The following NFIB variants were observed in gnomAD, a reference collection of about 807,000 sequenced individuals.
The protein encoded by NFIB is nuclear factor I B, also known as nuclear factor 1 B-type.
A neutral mutation model predicts 61.5 loss-of-function variants in NFIB; 11 were observed. That is an observed-to-expected ratio of 0.18 (90% CI 0.11 to 0.30). The LOEUF (loss-of-function observed/expected upper bound fraction) is 0.30. Ranked by LOEUF, NFIB falls within the 10% of genes least tolerant of loss-of-function variation. The pLI, the probability that NFIB is intolerant of heterozygous loss-of-function variation, is 1.00. For synonymous variants in NFIB, 260 were observed against 216.5 expected (o/e 1.20, Z -1.76); for missense variants, 471 against 608.9 (o/e 0.77, Z 2.38).
intron 3 of NFIB, 61 bp from the exon 4 acceptor site, chr9:14,155,954 T>TA: frequency 9.8e-7 from 1 of 1,023,136 alleles, no homozygotes; most frequent in Non-Finnish European, 1.4e-6. Context: ...TAAATGATTA[T>TA]ACACTAGAAT....
At chr9:14,132,346 T>C (rs1018837412) in intron 6 of NFIB, among the ~76,000 whole-genome samples, 6 of 152,196 alleles carry the variant, frequency 3.9e-5, no homozygotes, top group African/African-American at 1.2e-4. Flanking sequence ...TAAACAAGTC[T>C]AAATGAACCC....
the NFIB span, among the ~76,000 whole-genome samples, chr9:14,408,321 G>A: frequency 6.6e-6 from 1 of 152,110 alleles, no homozygotes; most frequent in African/African-American, 2.4e-5. Flanking sequence ...TCTAAACCAT[G>A]AACCTATTTC....
intron 9 of NFIB, 145 bp downstream of exon 9, chr9:14,116,063 T>A: frequency 9.8e-7 from 1 of 1,017,986 alleles, no homozygotes; most frequent in African/African-American, 1.7e-5. Flanking sequence ...TAGCTCCACT[T>A]AAATGAGAAA....
At chr9:14,315,766 A>G (rs2060519073), upstream of NFIB, among the ~76,000 whole-genome samples, 1 of 151,038 alleles carries the variant, frequency 6.6e-6, no homozygotes, top group African/African-American at 2.4e-5. Context: ...CCGCCCCCCA[A>G]ATCCAGTTTT....
At chr9:14,461,121 C>T in the NFIB span, among the ~76,000 whole-genome samples, 4 of 152,140 alleles carry the variant, frequency 2.6e-5, no homozygotes, top group Non-Finnish European at 4.4e-5. Context: ...TAGCATCCCA[C>T]ACTGTTCTCT....
chr9:14,156,612 C>G (rs113340748), intron 3 of NFIB, among the ~76,000 whole-genome samples: 2 of 152,268 alleles, frequency 1.3e-5, no homozygotes, highest in African/African-American at 4.8e-5. Context: ...TTAAGTCACA[C>G]CGGGGCAGGG....
the NFIB span, among the ~76,000 whole-genome samples, chr9:14,485,269 T>C: frequency 6.6e-6 from 1 of 152,214 alleles, no homozygotes; most frequent in Admixed American, 6.5e-5. Context: ...TACAAATTTA[T>C]TCCATAGGTA....
intron 2 of NFIB, among the ~76,000 whole-genome samples, chr9:14,267,228 A>G (rs900275444): frequency 6.6e-6 from 1 of 152,178 alleles, no homozygotes; most frequent in African/African-American, 2.4e-5. Context: ...AAAAGCAAAG[A>G]TCTGCATATG....
At chr9:14,315,260 C>A (rs1473425681), upstream of NFIB, among the ~76,000 whole-genome samples, 1 of 151,572 alleles carries the variant, frequency 6.6e-6, no homozygotes, top group Non-Finnish European at 1.5e-5. Flanking sequence ...GCACCCGAGG[C>A]AGTCGCGGCG....
At chr9:14,372,214 T>C (rs1240107451) in intron 1 of NFIB, among the ~76,000 whole-genome samples, 1 of 152,198 alleles carries the variant, frequency 6.6e-6, no homozygotes, top group Non-Finnish European at 1.5e-5. Flanking sequence ...CGATTTTTCG[T>C]GCTCTGGCTT....
intron 3 of NFIB, among the ~76,000 whole-genome samples, chr9:14,167,069 T>TTG (rs59482775): frequency 3.9e-5 from 5 of 128,770 alleles, no homozygotes; most frequent in Non-Finnish European, 6.4e-5. Context: ...GGGCATATTG[T>TTG]TGTGTGTGTG....
chr9:14,520,499 T>C, the NFIB span, among the ~76,000 whole-genome samples: 1 of 152,222 alleles, frequency 6.6e-6, no homozygotes, highest in African/African-American at 2.4e-5. Flanking sequence ...AGTGGAATGT[T>C]CTGCAGCGGT....
At chr9:14,238,827 G>C (rs2054065979) in intron 2 of NFIB, among the ~76,000 whole-genome samples, 1 of 152,122 alleles carries the variant, frequency 6.6e-6, no homozygotes, top group Non-Finnish European at 1.5e-5. Flanking sequence ...ACCCAACCGA[G>C]ATATAAATCT....
Position 14,088,112 on chromosome 9 carries a change from G to T in NFIB, c.*197C>A. The T allele has an allele frequency of 8.3e-7, 1 of 1,207,498 alleles. No individual in the cohort carries two copies. Among genetic ancestry groups the T allele is most frequent in the Non-Finnish European group, 1.1e-6 (1 of 921,880 alleles). 74.8% of individuals were successfully genotyped at this position (1,207,498 alleles called of 1,614,324 possible). A position where few individuals can be genotyped will look rare whatever the true frequency, so the allele number is the denominator to read the frequency against. ...TTCAGTTTCTTTCCTTTCTGCCTTT[G>T]TGTTGTTTTGTCCAGTCTTCCTCTT... On this transcript the variant is annotated 3_prime_UTR_variant, in exon 11 of 11. Coordinates refer to ENST00000380953, the MANE Select transcript of NFIB (RefSeq NM_001190737.2).
chr9:14,254,490 C>T (rs890252063), intron 2 of NFIB, among the ~76,000 whole-genome samples: 2 of 152,076 alleles, frequency 1.3e-5, no homozygotes, highest in African/African-American at 4.8e-5. Flanking sequence ...CAGACATAAG[C>T]ACATAAGCAT....
intron 2 of NFIB, among the ~76,000 whole-genome samples, chr9:14,304,370 A>G (rs2059911789): frequency 6.6e-6 from 1 of 152,254 alleles, no homozygotes; most frequent in South Asian, 2.1e-4. Context: ...GTGATCTTGT[A>G]TAAATAACCA....
chr9:14,449,163 T>C, the NFIB span, among the ~76,000 whole-genome samples: 1 of 152,238 alleles, frequency 6.6e-6, no homozygotes, highest in African/African-American at 2.4e-5. Context: ...TTTCTACTAA[T>C]ATTTAATGGC....
At chr9:14,235,730 T>C (rs1482766504) in intron 2 of NFIB, among the ~76,000 whole-genome samples, 1 of 152,224 alleles carries the variant, frequency 6.6e-6, no homozygotes, top group African/African-American at 2.4e-5. Context: ...CCTTTTGTTT[T>C]GAGGCTCGTC....
At chr9:14,278,572 G>C (rs967911302) in intron 2 of NFIB, among the ~76,000 whole-genome samples, 1 of 152,170 alleles carries the variant, frequency 6.6e-6, no homozygotes, top group African/African-American at 2.4e-5. Context: ...CTGAGTGAGC[G>C]GAGCCTAGAA....
Sources: gnomAD v4.1 joint callset for allele counts (sites outside exome capture counted in the v4.1 genomes callset) on GRCh38, gnomAD v4.1.1 for gene constraint, MANE v1.5 for transcripts, NCBI Gene and HGNC (gene_info 2026-07-23, HGNC 2026-07-21) for gene names.